Variants in TRDMT1 observed in about 807,000 individuals in gnomAD.
TRDMT1 encodes tRNA aspartic acid methyltransferase 1.
Under a neutral mutation model 51.2 loss-of-function variants are expected in TRDMT1, and 49 were observed. That is an observed-to-expected ratio of 0.96 (90% CI 0.76 to 1.21). The LOEUF (loss-of-function observed/expected upper bound fraction) is 1.21. TRDMT1 is among the 50% of genes most tolerant of loss of function. The pLI is 0.00. For missense variants in TRDMT1, 534 were observed against 462.3 expected, an observed-to-expected ratio of 1.16 and a Z score of -1.42; for synonymous variants, 187 against 164.6, an observed-to-expected ratio of 1.14 and a Z score of -1.04.
In TRDMT1 at chr10:17,157,692, T is replaced by A. The variant is rs1478218054; in HGVS notation, c.636A>T (p.Pro212=). ...ENKIQEKNVE[P]NISFDGSIQC... ...GTATGCTGCCATCAAAGCTAATATT[T>A]GGTTCAACGTTCTTTTCTTGAATTT... Residue 212 remains proline, a synonymous_variant, in exon 8 of 11, where the codon CCA becomes CCT. Transcript: ENST00000377799. 2 of 1,612,772 alleles carry A rather than the reference T, an allele frequency of 1.2e-6. No homozygotes were observed. Among genetic ancestry groups the A allele is most frequent in the Non-Finnish European group, 8.5e-7 (1 of 1,179,492 alleles).
intron 9 of TRDMT1, 29 bp from the exon 10 acceptor site, chr10:17,153,665 A>G (rs780688284): frequency 6.5e-7 from 1 of 1,540,682 alleles, no homozygotes; most frequent in Non-Finnish European, 8.7e-7. Context: ...GATAACTAAA[A>G]AAGTAATGTG....
intron 10 of TRDMT1, chr10:17,151,439 T>C (rs999132408): frequency 5.0e-5 from 48 of 960,940 alleles, no homozygotes; most frequent in Non-Finnish European, 5.7e-5. Flanking sequence ...GAAGGATCAA[T>C]GCAGATCCAT....
chr10:17,191,906 T>C (rs193161146), intron 1 of TRDMT1, among the ~76,000 whole-genome samples: 25 of 152,254 alleles, frequency 1.6e-4, no homozygotes, highest in African/African-American at 6.0e-4. Context: ...GCCCACAGCC[T>C]GACACTTCAC....
chr10:17,177,072 AGACTTTAT>A (rs1202195104), intron 1 of TRDMT1, among the ~76,000 whole-genome samples: 1 of 151,936 alleles, frequency 6.6e-6, no homozygotes, highest in Non-Finnish European at 1.5e-5. Flanking sequence ...TACTTTGCCT[AGACTTTAT>A]TCATGATATT....
At chr10:17,151,049 C>G (rs921297279) in intron 10 of TRDMT1, 9 of 953,526 alleles carry the variant, frequency 9.4e-6, no homozygotes, top group Non-Finnish European at 1.1e-5. Flanking sequence ...TTCTTTAAAT[C>G]TAAATTATTA....
At position 17,143,024 on chromosome 10, in the gene TRDMT1, G is replaced by C. The variant is rs1837809878; in HGVS notation, c.*6016C>G. ...GTTTTATTTGCGCTACTTTCCAAAA[G>C]CCAAAAGCCTATCCCAGAATTATTT... On this transcript the variant is annotated 3_prime_UTR_variant, in exon 11 of 11. Transcript: ENST00000377799. 1.0e-6 allele frequency: 1 copy of C among 985,326 alleles called. No homozygotes were observed. 61.0% of individuals were successfully genotyped at this position (985,326 alleles called of 1,614,324 possible).
intron 1 of TRDMT1, among the ~76,000 whole-genome samples, chr10:17,177,365 C>A (rs900470544): frequency 1.1e-4 from 17 of 151,816 alleles, no homozygotes; most frequent in African/African-American, 3.4e-4. Flanking sequence ...CCACACCCAG[C>A]TAATTTCTAT....
chr10:17,175,049 A>G (rs2131522340), intron 1 of TRDMT1, among the ~76,000 whole-genome samples: 1 of 152,364 alleles, frequency 6.6e-6, no homozygotes, highest in South Asian at 2.1e-4. Flanking sequence ...ATATAAATAA[A>G]CTACCATTTG....
intron 1 of TRDMT1, among the ~76,000 whole-genome samples, chr10:17,179,182 C>G (rs1263385288): frequency 6.6e-6 from 1 of 152,152 alleles, no homozygotes; most frequent in Non-Finnish European, 1.5e-5. Context: ...TCCGGAACGT[C>G]TCTAGAAAGT....
Position 17,146,251 on chromosome 10 carries a change from C to T in TRDMT1, c.*2789G>A, listed in dbSNP as rs1838097038. On this transcript the variant is annotated 3_prime_UTR_variant, in exon 11 of 11. Transcript: ENST00000377799. ...GTTTTTGCCTCTTTAGAAGGCTCTC[C>T]TTTTTGAGGAAGAATAAGTTGGCTG... The T allele has an allele frequency of 1.0e-6, 1 of 985,314 alleles. No individual in the cohort carries two copies. The highest frequency in any genetic ancestry group is 1.7e-5 in the African/African-American group (1 of 57,252). 61.0% of individuals were successfully genotyped at this position (985,314 alleles called of 1,614,324 possible).
chr10:17,189,844 G>T (rs1844452160), intron 1 of TRDMT1, among the ~76,000 whole-genome samples: 1 of 152,078 alleles, frequency 6.6e-6, no homozygotes, highest in African/African-American at 2.4e-5. Flanking sequence ...AGTCTATGGG[G>T]TCCTGTTTGT....
chr10:17,201,369 C>T, intron 1 of TRDMT1: 1 of 525,538 alleles, frequency 1.9e-6, no homozygotes, highest in Non-Finnish European at 3.3e-6. Context: ...CCAGACTCGG[C>T]GCCAGGAGAA....
rs562236695 is a variant in TRDMT1 at position 17,153,524 on chromosome 10, C to T, written c.1058G>A (p.Gly353Glu). The T allele has an allele frequency of 1.2e-6, 2 of 1,613,972 alleles. No individual in the cohort carries two copies. The highest frequency in any genetic ancestry group is 4.5e-5 in the East Asian group (2 of 44,870). ...CCACATACCGAACTCTGGAGGAAAT[C>T]CAAGGAGATTTGCTATTTCTTTAGG... The part of the protein sequence containing the change: ...FTPKEIANLL[G>E]FPPEFGFPEK... Residue 353 changes from glycine (G) to glutamate (E), a missense_variant, in exon 10 of 11, where the codon GGA (glycine) becomes GAA (glutamate). Coordinates refer to ENST00000377799, the MANE Select transcript of TRDMT1 (RefSeq NM_004412.7).
In TRDMT1 at chr10:17,147,058, G is replaced by A. The variant is rs1327256023; in HGVS notation, c.*1982C>T. 3.0e-6 allele frequency: 3 copies of A among 985,496 alleles called. No individual in the cohort carries two copies. The highest frequency in any genetic ancestry group is 3.5e-5 in the African/African-American group (2 of 57,230). The allele number at this position is 985,496 out of a possible 1,614,324, so 61.0% of individuals were successfully genotyped here. On this transcript the variant is annotated 3_prime_UTR_variant, in exon 11 of 11. Transcript: ENST00000377799. Reference sequence around the variant, plus strand: ...CAGACCTTTCAAGTATTTATAGTTGGTGCACAGTAACTCGACACTTATTTT... The same window carrying A: ...CAGACCTTTCAAGTATTTATAGTTGATGCACAGTAACTCGACACTTATTTT...
intron 2 of TRDMT1, among the ~76,000 whole-genome samples, chr10:17,170,241 G>C (rs11254421): frequency 0.026 from 3,962 of 152,188 alleles, 155 homozygotes; most frequent in African/African-American, 0.088. Context: ...TGATAAGGCA[G>C]TTAGGCAAAA....
chr10:17,168,769 C>T (rs1032828031), intron 3 of TRDMT1, 72 bp downstream of exon 3: 22 of 1,079,024 alleles, frequency 2.0e-5, no homozygotes, highest in Middle Eastern at 2.1e-4. Flanking sequence ...GTAAATTGCC[C>T]AGTCTCAGGT....
chr10:17,169,241 G>T, intron 2 of TRDMT1: 1 of 861,038 alleles, frequency 1.2e-6, no homozygotes, highest in Non-Finnish European at 1.5e-6. Context: ...AGAGTAAAAC[G>T]TGGAGAACCT....
At chr10:17,150,852 A>G (rs1389866470) in intron 10 of TRDMT1, 2 of 985,164 alleles carry the variant, frequency 2.0e-6, no homozygotes, top group Non-Finnish European at 2.4e-6. Context: ...AAAATTATTT[A>G]CTTCAAAGTA....
At chr10:17,175,728 G>A (rs772345609) in intron 1 of TRDMT1, among the ~76,000 whole-genome samples, 2 of 150,788 alleles carry the variant, frequency 1.3e-5, no homozygotes, top group African/African-American at 4.9e-5. Flanking sequence ...GCAGGCACCC[G>A]GAAATAAAAG....
Sources: gnomAD v4.1 joint callset for allele counts (sites outside exome capture counted in the v4.1 genomes callset) on GRCh38, gnomAD v4.1.1 for gene constraint, MANE v1.5 for transcripts, NCBI Gene and HGNC (gene_info 2026-07-23, HGNC 2026-07-21) for gene names.